CAPN10: variants seen among roughly 807,000 people sequenced by gnomAD.
The protein encoded by CAPN10 is calpain 10, also known as calpain-10.
Under a neutral mutation model 78.4 loss-of-function variants are expected in CAPN10, and 71 were observed. The ratio of observed to expected loss-of-function variants is 0.91; its 90% CI spans 0.75 to 1.10. The LOEUF is 1.10. Among genes scored for constraint, CAPN10 ranks in the 50% least tolerant of loss-of-function variants. CAPN10 has a pLI of 0.00. For synonymous variants in CAPN10, 437 were observed against 407.2 expected, an observed-to-expected ratio of 1.07 and a Z score of -0.88; for missense variants, 849 against 924.6, an observed-to-expected ratio of 0.92 and a Z score of 1.06.
chr2:240,596,690 G>A lies in CAPN10; in HGVS notation c.1491G>A (p.Arg497=). 1 of 1,552,838 alleles carries A rather than the reference G, an allele frequency of 6.4e-7. No individual in the cohort carries two copies. The highest frequency in any genetic ancestry group is 2.3e-5 in the East Asian group (1 of 44,418). The change falls in exon 9 of 12, where the codon AGG becomes AGA. Residue 497 remains arginine, a synonymous_variant. Coordinates refer to ENST00000391984, the MANE Select transcript of CAPN10 (RefSeq NM_023083.4). The stretch of plus-strand genomic sequence containing the variant: ...TTTGTCTTCTTGGCAGCGCCATCAG[G>A]GCAGTGGCCAAGAACACCACCCCCG... ...STGRVSLSAI[R]AVAKNTTPGA... is the part of the protein sequence containing the mutation.
In CAPN10 at chr2:240,596,516, C is replaced by T. The variant is rs1222918494; in HGVS notation, c.1476C>T (p.Ser492=). ...GAGTCTTCTCTACCGGGCGAGTCTCCCTTAGGTGAGAGGAACCGCGCAGTG... is the reference window on the plus strand; with the variant it reads ...GAGTCTTCTCTACCGGGCGAGTCTCTCTTAGGTGAGAGGAACCGCGCAGTG... ...LLRVFSTGRV[S]LSAIRAVAKN... Residue 492 remains serine (S), a synonymous_variant, in exon 8 of 12, where the codon TCC becomes TCT. Transcript: ENST00000391984. 3 of 1,603,758 alleles carry T rather than the reference C, an allele frequency of 1.9e-6. No homozygotes were observed. The highest frequency in any genetic ancestry group is 2.2e-5 in the East Asian group (1 of 44,584).
chr2:240,592,517 A>C, intron 4 of CAPN10: 1 of 489,188 alleles, frequency 2.0e-6, no homozygotes, highest in Non-Finnish European at 4.2e-6. Context: ...TGTCTCCAAA[A>C]AATGAAAGGG....
chr2:240,587,894 C>G (rs1304659026), intron 1 of CAPN10, among the ~76,000 whole-genome samples: 1 of 152,160 alleles, frequency 6.6e-6, no homozygotes, highest in Non-Finnish European at 1.5e-5. Flanking sequence ...TTTACAAGCT[C>G]ACTCTTGCTG....
Position 240,592,558 on chromosome 2 carries a change from C to T in CAPN10, c.688+408C>T, listed in dbSNP as rs1351695330. 4 of 469,450 alleles carry T rather than the reference C, an allele frequency of 8.5e-6. No individual in the cohort carries two copies. The East Asian group carries it at 2.1e-4, about 24-fold the overall frequency. 29.1% of individuals were successfully genotyped at this position (469,450 alleles called of 1,614,324 possible). A position where few individuals can be genotyped will look rare whatever the true frequency, so the allele number is the denominator to read the frequency against. ...GTGTGGTGGCTCACACCTGTAATCC[C>T]AGAACTTTGGGAGGCTGAGGTGGGA... On this transcript the variant is annotated intron_variant, in intron 4 of 11. Coordinates refer to ENST00000391984, the MANE Select transcript of CAPN10 (RefSeq NM_023083.4).
At position 240,596,538 on chromosome 2, in the gene CAPN10, A is replaced by G. The variant is rs758093042; in HGVS notation, c.1481+17A>G. ...CTCCCTTAGGTGAGAGGAACCGCGCAGTGCTGCTGGCTCTCCGAGGCCACA... is the reference window on the plus strand; with the variant it reads ...CTCCCTTAGGTGAGAGGAACCGCGCGGTGCTGCTGGCTCTCCGAGGCCACA... On this transcript the variant is annotated intron_variant, in intron 8 of 11. Transcript: ENST00000391984. The G allele has an allele frequency of 1.1e-5, 18 of 1,582,658 alleles. No homozygotes were observed. The South Asian group carries it at 1.4e-4, about 12-fold the overall frequency.
In CAPN10 at chr2:240,586,822, G is replaced by A. The variant is rs2093070670; in HGVS notation, c.-90G>A. On this transcript the variant is annotated 5_prime_UTR_variant, in exon 1 of 12. Coordinates refer to ENST00000391984, the MANE Select transcript of CAPN10 (RefSeq NM_023083.4). ...GGGCCGGGCGGGGAACGGGCGGGGC[G>A]GGCCGGAGGCGGCGGCGGCTGACTC... 4.9e-6 allele frequency: 6 copies of A among 1,236,858 alleles called. No individual in the cohort carries two copies. In the East Asian group the frequency reaches 9.7e-5, roughly 20 times the overall value. 76.6% of individuals were successfully genotyped at this position (1,236,858 alleles called of 1,614,324 possible).
chr2:240,587,599 A>G (rs1017558248), intron 1 of CAPN10, among the ~76,000 whole-genome samples: 1 of 152,258 alleles, frequency 6.6e-6, no homozygotes, highest in Admixed American at 6.5e-5. Flanking sequence ...AAGACTGCCC[A>G]GGGAGCAACC....
intron 9 of CAPN10, 24 bp downstream of exon 9, chr2:240,596,966 G>T: frequency 1.2e-6 from 2 of 1,613,252 alleles, no homozygotes; most frequent in South Asian, 2.2e-5. Context: ...CCCAGGGAGG[G>T]AGGGGGAGCA....
Position 240,598,053 on chromosome 2 carries a change from G to T in CAPN10, c.1909G>T (p.Ala637Ser). The change falls in exon 10 of 12, where the codon GCC (alanine) becomes TCC (serine). Residue 637 changes from alanine (A) to serine (S), a missense_variant. By Grantham distance (99) the Ala-to-Ser change is moderately conservative. Coordinates refer to ENST00000391984, the MANE Select transcript of CAPN10 (RefSeq NM_023083.4). ...CACCTACCTGCCGGACACAGAGGGG[G>T]CCTTCACAGTGACCATCGCAACCAG... ...PSTYLPDTEGAFTVTIATRID... is the reference protein window; with the variant it reads ...PSTYLPDTEGSFTVTIATRID... The T allele has an allele frequency of 6.2e-7, 1 of 1,611,898 alleles. No individual in the cohort carries two copies. The highest frequency in any genetic ancestry group is 8.5e-7 in the Non-Finnish European group (1 of 1,178,854).
intron 9 of CAPN10, 93 bp downstream of exon 9, chr2:240,597,035 G>A: frequency 1.3e-6 from 2 of 1,508,638 alleles, no homozygotes; most frequent in Admixed American, 1.8e-5. Flanking sequence ...AGGGCTCTGG[G>A]CTCAGTCACT....
Position 240,586,898 on chromosome 2 carries a change from C to T in CAPN10, c.-14C>T. On this transcript the variant is annotated 5_prime_UTR_variant, in exon 1 of 12. Transcript: ENST00000391984. Reference sequence around the variant, plus strand: ...GAGGCAACCGGCTGCAGATGGGAGCCCGCGGAGCCGAGGATGCGGGCGGGC... The same window carrying T: ...GAGGCAACCGGCTGCAGATGGGAGCTCGCGGAGCCGAGGATGCGGGCGGGC... 7.2e-7 allele frequency: 1 copy of T among 1,394,764 alleles called. No homozygotes were observed. Among genetic ancestry groups the T allele is most frequent in the Non-Finnish European group, 9.3e-7 (1 of 1,076,482 alleles). The allele number at this position is 1,394,764 out of a possible 1,614,324, so 86.4% of individuals were successfully genotyped here.
chr2:240,588,750 G>A (rs978155856), intron 1 of CAPN10, among the ~76,000 whole-genome samples: 1 of 152,170 alleles, frequency 6.6e-6, no homozygotes, highest in Non-Finnish European at 1.5e-5. Context: ...GCCTGAAGGA[G>A]ACTATGGTGC....
chr2:240,593,175 G>C (rs1266125387), intron 4 of CAPN10, among the ~76,000 whole-genome samples: 1 of 152,212 alleles, frequency 6.6e-6, no homozygotes, highest in Non-Finnish European at 1.5e-5. Flanking sequence ...GTTGGTTTTG[G>C]GTGCTCCAGG....
Position 240,598,373 on chromosome 2 carries a change from G to T in CAPN10, c.1965G>T (p.Glu655Asp). The T allele has an allele frequency of 6.2e-7, 1 of 1,613,856 alleles. No homozygotes were observed. Among genetic ancestry groups the T allele is most frequent in the Non-Finnish European group, 8.5e-7 (1 of 1,179,996 alleles). ...ACAGGCCATCCATTCACAGCCAGGA[G>T]ATGCTGGGCCAGTTCCTCCAAGAGG... ...RIDRPSIHSQ[E>D]MLGQFLQEVS... Residue 655 changes from glutamate to aspartate, a missense_variant, in exon 11 of 12, where the codon GAG becomes GAT. Coordinates refer to ENST00000391984, the MANE Select transcript of CAPN10 (RefSeq NM_023083.4).
intron 2 of CAPN10, 103 bp from the exon 3 acceptor site, chr2:240,590,712 C>T: frequency 9.8e-7 from 1 of 1,019,070 alleles, no homozygotes; most frequent in South Asian, 1.5e-5. Context: ...ACCGCGGTGC[C>T]TGTGGAGCAC....
At chr2:240,588,322 G>C (rs1001530065) in intron 1 of CAPN10, among the ~76,000 whole-genome samples, 1 of 152,138 alleles carries the variant, frequency 6.6e-6, no homozygotes, top group Non-Finnish European at 1.5e-5. Flanking sequence ...ACAGTCCACA[G>C]CCTGGGAGAG....
chr2:240,595,497 T>C (rs2093131177), intron 7 of CAPN10, 193 bp downstream of exon 7: 5 of 630,528 alleles, frequency 7.9e-6, no homozygotes, highest in Non-Finnish European at 1.4e-5. Flanking sequence ...GACCTGAGAC[T>C]GCAGGTCTTT....
chr2:240,588,603 C>G (rs1477014574), intron 1 of CAPN10, among the ~76,000 whole-genome samples: 1 of 152,080 alleles, frequency 6.6e-6, no homozygotes, highest in East Asian at 1.9e-4. Context: ...GGTTTGATAA[C>G]ATAGAGGTGA....
chr2:240,592,062 A>G lies in CAPN10; in HGVS notation c.600A>G (p.Pro200=), dbSNP rs3792269. ...VAGSGGQQDR[P]GRWEHRTCRQ... ...GAAGCGGAGGCCAGCAGGACAGGCC[A>G]GGCCGCTGGGAGCACAGGACTTGTC... Residue 200 remains proline, a synonymous_variant, in exon 4 of 12, where the codon CCA becomes CCG. Transcript: ENST00000391984. 0.16 allele frequency: 254,633 copies of G among 1,608,754 alleles called. 21,358 individuals are homozygous for G. The highest frequency in any genetic ancestry group is 0.19 in the South Asian group (17,363 of 90,212).
Sources: allele counts gnomAD v4.1 joint callset (sites outside exome capture counted in the v4.1 genomes callset), GRCh38; gene constraint gnomAD v4.1.1; transcripts MANE v1.5; gene names NCBI Gene and HGNC (gene_info 2026-07-23, HGNC 2026-07-21).